Variants in MEP1B observed in about 807,000 individuals in gnomAD.
MEP1B encodes the protein meprin A subunit beta.
In MEP1B, 80 loss-of-function variants were observed where a neutral mutation model predicts 84.6. The observed-to-expected ratio is 0.95, with a 90% CI of 0.79 to 1.14. MEP1B has a LOEUF of 1.14. Ranked by LOEUF, MEP1B falls within the 50% of genes most tolerant of loss-of-function variation. MEP1B has a pLI of 0.00. For synonymous variants in MEP1B, 273 were observed against 288.1 expected (o/e 0.95, Z 0.53); for missense variants, 766 against 855.1 (o/e 0.90, Z 1.30).
rs372959813 is a variant in MEP1B at position 32,192,767 on chromosome 18, C to T, written c.128-7C>T. ...TTGCTAACATGAATTTTTATCTTTACTCTTAGGTTTGGGACTGGATCTTTT... is the reference window on the plus strand; with the variant it reads ...TTGCTAACATGAATTTTTATCTTTATTCTTAGGTTTGGGACTGGATCTTTT... On this transcript the variant is annotated splice_region_variant and splice_polypyrimidine_tract_variant and intron_variant, in intron 3 of 14. Coordinates refer to ENST00000269202, the MANE Select transcript of MEP1B (RefSeq NM_005925.3). 9.9e-6 allele frequency: 16 copies of T among 1,612,636 alleles called. No homozygotes were observed. Among genetic ancestry groups the T allele is most frequent in the Non-Finnish European group, 1.3e-5 (15 of 1,179,016 alleles).
At chr18:32,218,939 A>G (rs1267144046) in intron 14 of MEP1B, among the ~76,000 whole-genome samples, 1 of 152,240 alleles carries the variant, frequency 6.6e-6, no homozygotes, top group Non-Finnish European at 1.5e-5. Context: ...AGAGTTTTAC[A>G]TGCAGATTCA....
intron 5 of MEP1B, among the ~76,000 whole-genome samples, chr18:32,198,697 C>T (rs998936117): frequency 6.6e-6 from 1 of 152,024 alleles, no homozygotes; most frequent in Non-Finnish European, 1.5e-5. Context: ...TGGGTCTTCC[C>T]GGTGTTAAAG....
At chr18:32,190,514 C>T (rs993928053) in intron 1 of MEP1B, among the ~76,000 whole-genome samples, 2 of 152,078 alleles carry the variant, frequency 1.3e-5, no homozygotes, top group Non-Finnish European at 2.9e-5. Context: ...AGTTTTATAA[C>T]GTGGTATTTC....
At chr18:32,199,668 G>GTTCCTTCCTTCCTTCCTTCCTTCCTTCC (rs201128780) in intron 5 of MEP1B, among the ~76,000 whole-genome samples, 29 of 126,924 alleles carry the variant, frequency 2.3e-4, no homozygotes, top group African/African-American at 8.2e-4. Flanking sequence ...CCTTTCGTTC[G>GTTCCTTCCTTCCTTCCTTCCTTCCTTCC]TTCCTTCCTT....
intron 4 of MEP1B, among the ~76,000 whole-genome samples, chr18:32,193,082 A>G (rs1326697482): frequency 6.6e-6 from 1 of 152,122 alleles, no homozygotes; most frequent in African/African-American, 2.4e-5. Context: ...GATTTGATTG[A>G]TTTTCATTAT....
At chr18:32,193,410 G>A (rs2040822194) in intron 4 of MEP1B, among the ~76,000 whole-genome samples, 2 of 152,010 alleles carry the variant, frequency 1.3e-5, no homozygotes, top group South Asian at 4.2e-4. Context: ...TTCTCTCACA[G>A]CATGGAAATA....
chr18:32,196,210 C>A lies in MEP1B; in HGVS notation c.250+725C>A. On this transcript the variant is annotated intron_variant, in intron 5 of 14. Coordinates refer to ENST00000269202, the MANE Select transcript of MEP1B (RefSeq NM_005925.3). The surrounding 1 kb of genome is among the most constrained non-coding windows in gnomAD (Gnocchi z 4.4). ...TTTCAGACTCTCCAAGTCTTTTTGGCTGAGAGGAATGAAGAGGATGCCATT... is the reference window on the plus strand; with the variant it reads ...TTTCAGACTCTCCAAGTCTTTTTGGATGAGAGGAATGAAGAGGATGCCATT... 1 of 673,132 alleles carries A rather than the reference C, an allele frequency of 1.5e-6. No homozygotes were observed. Among genetic ancestry groups the A allele is most frequent in the South Asian group, 1.5e-5 (1 of 65,924 alleles). 41.7% of individuals were successfully genotyped at this position (673,132 alleles called of 1,614,324 possible). A position where few individuals can be genotyped will look rare whatever the true frequency, so the allele number is the denominator to read the frequency against.
At chr18:32,207,996 A>G in intron 8 of MEP1B, 123 bp from the exon 9 acceptor site, 3 of 925,610 alleles carry the variant, frequency 3.2e-6, no homozygotes, top group Non-Finnish European at 5.0e-6. Flanking sequence ...ACCATCATCC[A>G]GAATCAGCTA....
intron 4 of MEP1B, among the ~76,000 whole-genome samples, chr18:32,195,155 T>A (rs976006723): frequency 6.6e-6 from 1 of 152,178 alleles, no homozygotes; most frequent in Non-Finnish European, 1.5e-5. Flanking sequence ...TAGTTCAGTT[T>A]TCCAACAGTT....
rs774693150 is a variant in MEP1B, at chr18:32,215,158, A to C, written c.1656A>C (p.Arg552Ser). The change falls in exon 12 of 15, where the codon AGA becomes AGC. Residue 552 changes from arginine (R) to serine (S), a missense_variant. Physicochemically the swap from Arg to Ser is moderately radical, Grantham distance 110 (BLOSUM62 -1). Coordinates refer to ENST00000269202, the MANE Select transcript of MEP1B (RefSeq NM_005925.3). The part of the protein sequence containing the change: ...VALFSNGTQF[R>S]RGGGYGTSAF... ...TGTTCTCTAATGGAACTCAGTTTAG[A>C]AGAGGTGGGGGCTATGGAACCAGTG... 6.2e-7 allele frequency: 1 copy of C among 1,610,772 alleles called. No individual in the cohort carries two copies. Among genetic ancestry groups the C allele is most frequent in the Non-Finnish European group, 8.5e-7 (1 of 1,177,774 alleles).
intron 11 of MEP1B, among the ~76,000 whole-genome samples, chr18:32,214,806 T>C (rs1349133160): frequency 2.0e-5 from 3 of 152,208 alleles, no homozygotes; most frequent in African/African-American, 7.2e-5. Context: ...AGTAAAGATA[T>C]GATATTCCCA....
intron 1 of MEP1B, among the ~76,000 whole-genome samples, chr18:32,190,374 G>A (rs1333899799): frequency 1.3e-5 from 2 of 151,970 alleles, no homozygotes; most frequent in East Asian, 3.9e-4. Context: ...TGTGTAACAA[G>A]TTTTCTTTTG....
At chr18:32,214,884 C>T (rs2041066295) in intron 11 of MEP1B, among the ~76,000 whole-genome samples, 198 bp from the exon 12 acceptor site, 1 of 152,152 alleles carries the variant, frequency 6.6e-6, no homozygotes, top group South Asian at 2.1e-4. Context: ...GTCCTCCCTG[C>T]CAGGCAATTT....
chr18:32,217,955 CT>C lies in MEP1B; in HGVS notation c.2082del (p.Pro695ArgfsTer10), dbSNP rs767310352. On this transcript the variant is annotated frameshift_variant, in exon 14 of 15. Coordinates refer to ENST00000269202, the MANE Select transcript of MEP1B (RefSeq NM_005925.3). LOFTEE classifies it high-confidence loss of function. The part of the protein sequence containing the change: ...ERMSSNRPNL[T>X]PQNQHAF ...ATGAGCTCAAATCGACCAAATTTGA[CT>C]CCGCAAAATGTAAGTTGAGGCTGAT... 9.9e-6 allele frequency: 16 copies of C among 1,613,698 alleles called. No individual in the cohort carries two copies. The highest frequency in any genetic ancestry group is 3.3e-5 in the Admixed American group (2 of 60,004).
At chr18:32,199,723 A>G (rs1171719816) in intron 5 of MEP1B, among the ~76,000 whole-genome samples, 1 of 108,396 alleles carries the variant, frequency 9.2e-6, no homozygotes, top group Non-Finnish European at 1.9e-5. Flanking sequence ...TTCTTTTTTG[A>G]GACGAGTTCT....
rs1266978178 is a variant in MEP1B, at chr18:32,207,232, A to AT, written c.548-14dup. On this transcript the variant is annotated intron_variant, in intron 7 of 14. Transcript: ENST00000269202. Reference sequence around the variant, plus strand: ...TGAATTTTGTGAACATCAAGTAAAGATTTTTTATTTATCCTTTAGGCAGAG... The same window carrying AT: ...TGAATTTTGTGAACATCAAGTAAAGATTTTTTTATTTATCCTTTAGGCAGAG... 1.3e-6 allele frequency: 2 copies of AT among 1,527,838 alleles called. No individual in the cohort carries two copies. The highest frequency in any genetic ancestry group is 1.2e-5 in the South Asian group (1 of 86,868). The allele number at this position is 1,527,838 out of a possible 1,614,324, so 94.6% of individuals were successfully genotyped here. A position where few individuals can be genotyped will look rare whatever the true frequency, so the allele number is the denominator to read the frequency against.
intron 5 of MEP1B, among the ~76,000 whole-genome samples, chr18:32,197,349 G>A (rs2040865456): frequency 6.6e-6 from 1 of 150,900 alleles, no homozygotes; most frequent in African/African-American, 2.4e-5. Flanking sequence ...TTTGGGAAAA[G>A]TTTGAGTAAA....
At chr18:32,208,880 A>G (rs1463434213) in intron 9 of MEP1B, among the ~76,000 whole-genome samples, 1 of 152,200 alleles carries the variant, frequency 6.6e-6, no homozygotes, top group Non-Finnish European at 1.5e-5. Flanking sequence ...CAGATGATCT[A>G]GGCAGGAATT....
Position 32,207,442 on chromosome 18 carries a change from C to A in MEP1B, c.738C>A (p.Leu246=), listed in dbSNP as rs765759439. The A allele has an allele frequency of 6.2e-6, 10 of 1,611,850 alleles. No individual in the cohort carries two copies. The highest frequency in any genetic ancestry group is 8.5e-6 in the Non-Finnish European group (10 of 1,178,690). ...GAATGGATTTCAGTGACTCTGATCT[C>A]CTAAAGTTGAATCAACTGTATAACT... ...GQRMDFSDSD[L]LKLNQLYNCS... The change falls in exon 8 of 15, where the codon CTC becomes CTA. Residue 246 remains leucine, a synonymous_variant. Transcript: ENST00000269202.
Sources: allele counts gnomAD v4.1 joint callset (sites outside exome capture counted in the v4.1 genomes callset), GRCh38; gene constraint gnomAD v4.1.1; non-coding constraint Gnocchi (gnomAD v3.1); transcripts MANE v1.5; gene names NCBI Gene and HGNC (gene_info 2026-07-23, HGNC 2026-07-21).